The following CACNA2D1 variants were observed in gnomAD, a reference collection of about 807,000 sequenced individuals.
CACNA2D1 encodes voltage-dependent calcium channel subunit alpha-2/delta-1.
CACNA2D1 carries 53 observed loss-of-function variants against 171.5 expected under a neutral mutation model. The ratio of observed to expected loss-of-function variants is 0.31; its 90% CI spans 0.25 to 0.39. The LOEUF is 0.39. CACNA2D1 is among the 10% of genes least tolerant of loss of function. The pLI is 1.00. For missense variants in CACNA2D1, 903 were observed against 1,299.8 expected (o/e 0.69, Z 4.69); for synonymous variants, 442 against 443.1 (o/e 1.00, Z 0.03).
At chr7:81,990,664 T>C (rs368020773) in intron 21 of CACNA2D1, among the ~76,000 whole-genome samples, 2 of 152,102 alleles carry the variant, frequency 1.3e-5, no homozygotes, top group East Asian at 1.9e-4. Flanking sequence ...GAAGGAAGTG[T>C]TGAGCAAGTG....
intron 5 of CACNA2D1, among the ~76,000 whole-genome samples, chr7:82,128,182 A>C (rs1228080970): frequency 6.6e-6 from 1 of 151,528 alleles, no homozygotes. Context: ...TGCCTGCCTC[A>C]GCCTCCTGAA....
chr7:82,321,007 T>G (rs970498784), intron 3 of CACNA2D1, among the ~76,000 whole-genome samples: 1 of 151,682 alleles, frequency 6.6e-6, no homozygotes, highest in Non-Finnish European at 1.5e-5. Flanking sequence ...ATCTATGACT[T>G]AATGAACCTT....
At position 82,050,630 on chromosome 7, in the gene CACNA2D1, T is replaced by C. The variant is rs559007644; in HGVS notation, c.879+9798A>G. On this transcript the variant is annotated intron_variant, in intron 10 of 38. Transcript: ENST00000356860. ...AGAAGGAGAAATCTCTTTACTATCCTGGAATGCAAATAAATCTGAATAAAT... is the reference window on the plus strand; with the variant it reads ...AGAAGGAGAAATCTCTTTACTATCCCGGAATGCAAATAAATCTGAATAAAT... 12 of 702,774 alleles carry C rather than the reference T, an allele frequency of 1.7e-5. 1 individual carries two copies. Among genetic ancestry groups the C allele is most frequent in the South Asian group, 1.6e-4 (11 of 67,598 alleles). 43.5% of individuals were successfully genotyped at this position (702,774 alleles called of 1,614,324 possible).
chr7:81,972,808 A>G (rs1795425041), intron 25 of CACNA2D1, among the ~76,000 whole-genome samples: 1 of 152,024 alleles, frequency 6.6e-6, no homozygotes. Flanking sequence ...CTATTACTAT[A>G]CAACATGGTG....
At chr7:82,146,470 A>G (rs1793108481) in intron 4 of CACNA2D1, among the ~76,000 whole-genome samples, 1 of 145,436 alleles carries the variant, frequency 6.9e-6, no homozygotes, top group South Asian at 2.1e-4. Flanking sequence ...ATAAATATAT[A>G]TCTTTATATA....
intron 18 of CACNA2D1, among the ~76,000 whole-genome samples, chr7:82,003,094 C>T (rs920780253): frequency 3.9e-5 from 6 of 151,996 alleles, no homozygotes; most frequent in African/African-American, 1.2e-4. Context: ...TTTATGAGGT[C>T]TTGTATCAAT....
intron 1 of CACNA2D1, among the ~76,000 whole-genome samples, chr7:82,393,266 A>G (rs925912489): frequency 1.3e-5 from 2 of 152,188 alleles, no homozygotes; most frequent in Non-Finnish European, 2.9e-5. Context: ...ATGAAGTAAC[A>G]GAAATGAATT....
At chr7:81,998,569 T>G (rs1195986623) in intron 18 of CACNA2D1, among the ~76,000 whole-genome samples, 3 of 151,968 alleles carry the variant, frequency 2.0e-5, no homozygotes, top group Admixed American at 2.0e-4. Context: ...AGATGAAAAT[T>G]TTTGATTCCT....
At chr7:82,249,857 A>T (rs1205646223) in intron 3 of CACNA2D1, among the ~76,000 whole-genome samples, 1 of 152,260 alleles carries the variant, frequency 6.6e-6, no homozygotes, top group African/African-American at 2.4e-5. Flanking sequence ...CAGTTACAGT[A>T]TGAGAGTTTT....
chr7:82,208,846 AAATG>A (rs1380522078), intron 3 of CACNA2D1, among the ~76,000 whole-genome samples: 2 of 152,168 alleles, frequency 1.3e-5, no homozygotes, highest in Non-Finnish European at 2.9e-5. Flanking sequence ...TTCTCACCAT[AAATG>A]AATGATATGT....
At chr7:81,965,695 T>G (rs756853625) in intron 31 of CACNA2D1, 30 bp from the exon 32 acceptor site, 1 of 1,366,648 alleles carries the variant, frequency 7.3e-7, no homozygotes, top group Non-Finnish European at 1.0e-6. Context: ...AGTTAACACA[T>G]TTTTAGAAAG....
chr7:82,040,121 G>A (rs1243611864), intron 10 of CACNA2D1, among the ~76,000 whole-genome samples: 2 of 152,114 alleles, frequency 1.3e-5, no homozygotes, highest in Non-Finnish European at 2.9e-5. Context: ...AATACATAGT[G>A]GTTTTGTTAT....
At chr7:82,210,004 T>C (rs1283623776) in intron 3 of CACNA2D1, among the ~76,000 whole-genome samples, 1 of 152,138 alleles carries the variant, frequency 6.6e-6, no homozygotes, top group Non-Finnish European at 1.5e-5. Flanking sequence ...GTACCAGAAT[T>C]CTTTGTGGAG....
chr7:82,422,937 G>A (rs1350233911), intron 1 of CACNA2D1, among the ~76,000 whole-genome samples: 2 of 152,002 alleles, frequency 1.3e-5, no homozygotes, highest in African/African-American at 4.8e-5. Context: ...ACAGATGCCT[G>A]GAAAGAAACT....
At chr7:82,348,545 G>A (rs115621811) in intron 2 of CACNA2D1, among the ~76,000 whole-genome samples, 91 of 152,142 alleles carry the variant, frequency 6.0e-4, no homozygotes, top group African/African-American at 2.1e-3. Context: ...ATTTCCAAAC[G>A]TATTCCTTAT....
intron 3 of CACNA2D1, among the ~76,000 whole-genome samples, chr7:82,192,399 AAT>A (rs57832901): frequency 0.075 from 10,945 of 146,586 alleles, 1,040 homozygotes; most frequent in African/African-American, 0.19. Context: ...AAACAGGGGA[AAT>A]ATATATATAT....
intron 1 of CACNA2D1, among the ~76,000 whole-genome samples, chr7:82,393,653 C>T (rs983070703): frequency 6.6e-6 from 1 of 152,158 alleles, no homozygotes; most frequent in African/African-American, 2.4e-5. Context: ...CTACCAGTGA[C>T]TAAGCTCTCG....
chr7:82,132,437 T>G (rs77818379), intron 5 of CACNA2D1, among the ~76,000 whole-genome samples: 2 of 152,198 alleles, frequency 1.3e-5, no homozygotes, highest in African/African-American at 4.8e-5. Context: ...CCATATCCTC[T>G]TGCAACAAGG....
chr7:82,237,436 GT>G (rs933350745), intron 3 of CACNA2D1, among the ~76,000 whole-genome samples: 2 of 151,668 alleles, frequency 1.3e-5, no homozygotes, highest in South Asian at 2.1e-4. Flanking sequence ...TTTCTAGATT[GT>G]TTTTTTTCCT....
Sources: gnomAD v4.1 joint callset for allele counts (sites outside exome capture counted in the v4.1 genomes callset) on GRCh38, gnomAD v4.1.1 for gene constraint, MANE v1.5 for transcripts, NCBI Gene and HGNC (gene_info 2026-07-23, HGNC 2026-07-21) for gene names.